KANSL1L: variants seen among roughly 807,000 people sequenced by gnomAD.
KANSL1L encodes KAT8 regulatory NSL complex subunit 1 like.
In KANSL1L, 25 loss-of-function variants were observed where a neutral mutation model predicts 108.6. The observed-to-expected ratio is 0.23, with a 90% CI of 0.17 to 0.32. The LOEUF (loss-of-function observed/expected upper bound fraction) is 0.32. Ranked by LOEUF, KANSL1L falls within the 10% of genes least tolerant of loss-of-function variation. The pLI, the probability that KANSL1L is intolerant of heterozygous loss-of-function variation, is 1.00. For synonymous variants in KANSL1L, 405 were observed against 395.1 expected, an observed-to-expected ratio of 1.03 and a Z score of -0.30; for missense variants, 1,137 against 1,125.7, an observed-to-expected ratio of 1.01 and a Z score of -0.14.
intron 3 of KANSL1L, among the ~76,000 whole-genome samples, chr2:210,107,584 A>G (rs897529693): frequency 6.6e-6 from 1 of 150,556 alleles, no homozygotes; most frequent in Admixed American, 6.6e-5. Context: ...GCTGGAGTGC[A>G]GTGGCGCAAT....
At chr2:210,154,655 T>A (rs559986703) in intron 1 of KANSL1L, 44 bp from the exon 2 acceptor site, 4 of 1,256,352 alleles carry the variant, frequency 3.2e-6, no homozygotes, top group Non-Finnish European at 1.0e-6. Context: ...TAGAAAAAAA[T>A]TTTATGCTTA....
chr2:210,131,991 C>T (rs913126753), intron 2 of KANSL1L, among the ~76,000 whole-genome samples: 2 of 152,094 alleles, frequency 1.3e-5, no homozygotes, highest in African/African-American at 4.8e-5. Context: ...GCCAGAAAGC[C>T]CGGCCTGAAA....
At chr2:210,045,689 C>T (rs2094215933) in intron 6 of KANSL1L, among the ~76,000 whole-genome samples, 1 of 152,114 alleles carries the variant, frequency 6.6e-6, no homozygotes, top group African/African-American at 2.4e-5. Flanking sequence ...TTGCATCTTA[C>T]CACTTTTAAA....
chr2:210,057,918 T>C lies in KANSL1L; in HGVS notation c.1756-13814A>G, dbSNP rs1467578412. On this transcript the variant is annotated intron_variant, in intron 6 of 14. Coordinates refer to ENST00000281772, the MANE Select transcript of KANSL1L (RefSeq NM_152519.4). Reference sequence around the variant, plus strand: ...GGATGTACATCACCTCAGGACCCTGTGATGATTGCATTAACTGCACAAATT... The same window carrying C: ...GGATGTACATCACCTCAGGACCCTGCGATGATTGCATTAACTGCACAAATT... Among the ~76,000 whole-genome samples the C allele has an allele frequency of 2.0e-5, 3 of 152,132 alleles. No individual in the cohort carries two copies. The East Asian group carries it at 5.8e-4, about 29-fold the overall frequency.
intron 2 of KANSL1L, among the ~76,000 whole-genome samples, chr2:210,137,115 A>G (rs763604879): frequency 1.8e-4 from 27 of 152,308 alleles, no homozygotes; most frequent in Middle Eastern, 3.4e-3. Flanking sequence ...CCTTGAAGAC[A>G]TTAGTTCTAA....
At chr2:210,103,713 T>A (rs561344010) in intron 4 of KANSL1L, among the ~76,000 whole-genome samples, 51 of 152,182 alleles carry the variant, frequency 3.4e-4, no homozygotes, top group Non-Finnish European at 5.3e-4. Flanking sequence ...TATTCCAATA[T>A]TATCTTTCAC....
chr2:210,095,924 T>C (rs2094731840), intron 5 of KANSL1L, among the ~76,000 whole-genome samples: 1 of 152,144 alleles, frequency 6.6e-6, no homozygotes, highest in Non-Finnish European at 1.5e-5. Flanking sequence ...GTACCAACTA[T>C]TTTAAAAAGA....
intron 5 of KANSL1L, among the ~76,000 whole-genome samples, chr2:210,087,040 T>A (rs573185461): frequency 1.1e-3 from 169 of 151,762 alleles, no homozygotes; most frequent in Middle Eastern, 0.01. Context: ...TTTATTTTTT[T>A]TTTTTTGAGA....
chr2:210,169,738 T>C (rs1688215972), intron 1 of KANSL1L, among the ~76,000 whole-genome samples: 1 of 152,208 alleles, frequency 6.6e-6, no homozygotes. Context: ...CTGATCTAAG[T>C]AGGTGGAAAC....
chr2:210,080,145 G>GCACACACACACA (rs79443997), intron 5 of KANSL1L: 75 of 146,230 alleles, frequency 5.1e-4, no homozygotes, highest in African/African-American at 1.7e-3. Context: ...ACACACGCGT[G>GCACACACACACA]CACACACACA....
intron 6 of KANSL1L, among the ~76,000 whole-genome samples, chr2:210,073,348 T>C (rs758915035): frequency 5.4e-4 from 82 of 152,224 alleles, no homozygotes; most frequent in East Asian, 2.5e-3. Flanking sequence ...TGCTGTCCAG[T>C]TTGGTAGCAA....
intron 6 of KANSL1L, among the ~76,000 whole-genome samples, chr2:210,056,826 C>T (rs1243045181): frequency 1.3e-5 from 2 of 152,124 alleles, no homozygotes; most frequent in South Asian, 2.1e-4. Flanking sequence ...TATCAACACA[C>T]CTCTAGAAGG....
intron 8 of KANSL1L, among the ~76,000 whole-genome samples, chr2:210,036,084 C>T (rs1418292904): frequency 6.6e-6 from 1 of 152,216 alleles, no homozygotes; most frequent in African/African-American, 2.4e-5. Flanking sequence ...TTAGGCATCA[C>T]CAACTTTCTG....
At chr2:210,137,021 G>T (rs1024606552) in intron 2 of KANSL1L, among the ~76,000 whole-genome samples, 1 of 152,068 alleles carries the variant, frequency 6.6e-6, no homozygotes, top group African/African-American at 2.4e-5. Flanking sequence ...AAAATGGAAA[G>T]TTTCCACTGG....
intron 6 of KANSL1L, among the ~76,000 whole-genome samples, chr2:210,048,109 A>G (rs1056079791): frequency 4.6e-5 from 7 of 152,216 alleles, no homozygotes; most frequent in Non-Finnish European, 8.8e-5. Flanking sequence ...GTATTCATCA[A>G]ATGTTCTGAG....
At chr2:210,115,499 T>C (rs899718022) in intron 3 of KANSL1L, among the ~76,000 whole-genome samples, 2 of 151,820 alleles carry the variant, frequency 1.3e-5, no homozygotes, top group Admixed American at 1.3e-4. Context: ...CTAGCAAAAA[T>C]TCTTGAGTTT....
intron 1 of KANSL1L, among the ~76,000 whole-genome samples, chr2:210,162,562 T>G (rs1297112002): frequency 1.3e-5 from 2 of 152,158 alleles, no homozygotes; most frequent in Non-Finnish European, 2.9e-5. Flanking sequence ...TTAGAGAGAT[T>G]ATTTTGCAGA....
chr2:210,075,558 A>C lies in KANSL1L; in HGVS notation c.1749T>G (p.Thr583=). ...LYRLSPTFYW[T]PQTLPSKETA... ...TTCCCAAAGGCAGCCTTACCTGTGG[A>C]GTCCAATAAAAAGTAGGGCTCAATC... Residue 583 remains threonine (T), a synonymous_variant, in exon 6 of 15, where the codon ACT becomes ACG. Coordinates refer to ENST00000281772, the MANE Select transcript of KANSL1L (RefSeq NM_152519.4). 1.2e-6 allele frequency: 2 copies of C among 1,611,284 alleles called. No individual in the cohort carries two copies. Among genetic ancestry groups the C allele is most frequent in the Non-Finnish European group, 1.7e-6 (2 of 1,177,600 alleles).
chr2:210,033,538 T>C (rs1480667517), intron 8 of KANSL1L, among the ~76,000 whole-genome samples: 1 of 140,132 alleles, frequency 7.1e-6, no homozygotes, highest in Non-Finnish European at 1.6e-5. Context: ...CAAAAGTTGA[T>C]TTTTTTTTTG....
Sources: allele counts gnomAD v4.1 joint callset (sites outside exome capture counted in the v4.1 genomes callset), GRCh38; gene constraint gnomAD v4.1.1; transcripts MANE v1.5; gene names NCBI Gene and HGNC (gene_info 2026-07-23, HGNC 2026-07-21).